The following CC2D2A variants were observed in gnomAD, a reference collection of about 807,000 sequenced individuals.
The protein encoded by CC2D2A is coiled-coil and C2 domain containing 2A.
A neutral mutation model predicts 212.9 loss-of-function variants in CC2D2A; 155 were observed. The ratio of observed to expected loss-of-function variants is 0.73; its 90% confidence interval spans 0.64 to 0.83. CC2D2A has a LOEUF of 0.83. Among genes scored for constraint, CC2D2A ranks in the 40% least tolerant of loss-of-function variants. The pLI is 0.00. For missense variants in CC2D2A, 1,856 were observed against 1,956.2 expected (o/e 0.95, Z 0.97); for synonymous variants, 667 against 686.5 (o/e 0.97, Z 0.44).
Position 15,516,313 on chromosome 4 carries a change from C to T in CC2D2A, c.1017+309C>T, listed in dbSNP as rs16892092. ...ATTATCCATAGGTAGAATAGTTTCACTTTTGAGTTTTTATTCTGTGTTTTT... is the reference window on the plus strand; with the variant it reads ...ATTATCCATAGGTAGAATAGTTTCATTTTTGAGTTTTTATTCTGTGTTTTT... On this transcript the variant is annotated intron_variant, in intron 10 of 36. Transcript: ENST00000424120. 0.16 allele frequency among the ~76,000 whole-genome samples: 24,409 copies of T among 151,954 alleles called. 2,225 individuals carry two copies. The highest frequency in any genetic ancestry group is 0.34 in the East Asian group (1,738 of 5,166).
chr4:15,490,735 A>C (rs1715252821), intron 4 of CC2D2A, among the ~76,000 whole-genome samples: 2 of 152,126 alleles, frequency 1.3e-5, no homozygotes, highest in African/African-American at 4.8e-5. Context: ...GGAAAGAAAA[A>C]GTAAAAACTA....
intron 28 of CC2D2A, among the ~76,000 whole-genome samples, chr4:15,573,489 C>A (rs1477493274): frequency 6.6e-6 from 1 of 152,210 alleles, no homozygotes; most frequent in Admixed American, 6.5e-5. Context: ...TGGAGTTTCA[C>A]CTTGTTGGCC....
chr4:15,549,233 A>C (rs928209639), intron 17 of CC2D2A, among the ~76,000 whole-genome samples: 16 of 152,156 alleles, frequency 1.1e-4, no homozygotes, highest in African/African-American at 3.9e-4. Context: ...ATTTTCCATA[A>C]AAGACTTTTT....
chr4:15,598,042 G>T (rs1303742643), intron 35 of CC2D2A, among the ~76,000 whole-genome samples: 2 of 152,126 alleles, frequency 1.3e-5, no homozygotes, highest in African/African-American at 4.8e-5. Flanking sequence ...GACCCCTCTT[G>T]AGGCATTATT....
At chr4:15,558,393 A>AAGGTGTCTGTCCAAGGT in intron 21 of CC2D2A, among the ~76,000 whole-genome samples, 2 of 152,162 alleles carry the variant, frequency 1.3e-5, no homozygotes, top group Non-Finnish European at 2.9e-5. Context: ...GGATGATGAA[A>AAGGTGTCTGTCCAAGGT]TCTCAAAATA....
chr4:15,563,267 G>A, intron 23 of CC2D2A, 88 bp from the exon 24 acceptor site: 1 of 1,326,220 alleles, frequency 7.5e-7, no homozygotes, highest in Non-Finnish European at 1.0e-6. Context: ...GCGTGTGCAG[G>A]ACCATGGGGC....
Position 15,538,064 on chromosome 4 carries a change from A to C in CC2D2A, c.1930A>C (p.Arg644=), listed in dbSNP as rs1174529044. 1.9e-6 allele frequency: 3 copies of C among 1,607,636 alleles called. No homozygotes were observed. The highest frequency in any genetic ancestry group is 2.5e-6 in the Non-Finnish European group (3 of 1,177,212). Residue 644 remains arginine, a synonymous_variant, in exon 16 of 37, where the codon AGG becomes CGG. Transcript: ENST00000424120. ...VRERAAQSRR[R]PWEPTLVPEL... ...GGAGAGAGCAGCCCAGAGCAGGAGGAGGCCTTGGGAGCCCACGCTGGTCCC... is the reference window on the plus strand; with the variant it reads ...GGAGAGAGCAGCCCAGAGCAGGAGGCGGCCTTGGGAGCCCACGCTGGTCCC...
chr4:15,505,655 A>G (rs1716215883), intron 6 of CC2D2A, among the ~76,000 whole-genome samples: 1 of 152,246 alleles, frequency 6.6e-6, no homozygotes, highest in South Asian at 2.1e-4. Flanking sequence ...ATCAGGTTAT[A>G]TAAAAATTAG....
chr4:15,547,976 T>C (rs1718796744), intron 17 of CC2D2A, among the ~76,000 whole-genome samples: 1 of 151,994 alleles, frequency 6.6e-6, no homozygotes, highest in South Asian at 2.1e-4. Flanking sequence ...GAGGTGGAAG[T>C]TGCTGTGAGC....
At chr4:15,584,968 G>T (rs1188742159) in intron 30 of CC2D2A, among the ~76,000 whole-genome samples, 3 of 152,092 alleles carry the variant, frequency 2.0e-5, no homozygotes, top group African/African-American at 7.2e-5. Flanking sequence ...AGTTAAAATG[G>T]CTCTTTTCAG....
chr4:15,503,048 A>G, intron 6 of CC2D2A, 125 bp downstream of exon 6: 1 of 635,872 alleles, frequency 1.6e-6, no homozygotes, highest in Non-Finnish European at 2.5e-6. Context: ...TAATTATAAT[A>G]CACTTTGGGA....
intron 17 of CC2D2A, 175 bp from the exon 18 acceptor site, chr4:15,550,649 G>C: frequency 2.4e-6 from 1 of 423,730 alleles, no homozygotes; most frequent in South Asian, 1.1e-4. Context: ...ACAAACAGTT[G>C]TAAGCTCATC....
chr4:15,573,810 G>C (rs1720276232), intron 28 of CC2D2A, among the ~76,000 whole-genome samples: 1 of 152,154 alleles, frequency 6.6e-6, no homozygotes, highest in South Asian at 2.1e-4. Flanking sequence ...ACCCCACAAA[G>C]TAGATACTAT....
At position 15,502,485 on chromosome 4, in the gene CC2D2A, G is replaced by C. The variant is rs1278804341; in HGVS notation, c.304G>C (p.Gly102Arg). Residue 102 changes from glycine to arginine, a missense_variant, in exon 5 of 37, where the codon GGA (glycine) becomes CGA (arginine). Physicochemically the swap from Gly to Arg is moderately radical, Grantham distance 125. Coordinates refer to ENST00000424120, the MANE Select transcript of CC2D2A (RefSeq NM_001378615.1). ...RTGFAEFSMR[G>R]RMREKLQAAR... ...AGGCTTTGCAGAATTTTCCATGAGGGGACGCATGAGGGAGAAATTGCAAGC... is the reference window on the plus strand; with the variant it reads ...AGGCTTTGCAGAATTTTCCATGAGGCGACGCATGAGGGAGAAATTGCAAGC... The C allele has an allele frequency of 1.2e-6, 2 of 1,608,546 alleles. No individual in the cohort carries two copies. The highest frequency in any genetic ancestry group is 2.3e-5 in the South Asian group (2 of 88,790).
At chr4:15,487,142 T>C (rs1715044554) in intron 4 of CC2D2A, among the ~76,000 whole-genome samples, 1 of 152,142 alleles carries the variant, frequency 6.6e-6, no homozygotes. Context: ...AAATGTTCTT[T>C]AAATCTGTTA....
chr4:15,539,182 G>A (rs904434589), intron 16 of CC2D2A, among the ~76,000 whole-genome samples: 3 of 152,130 alleles, frequency 2.0e-5, no homozygotes, highest in African/African-American at 7.2e-5. Flanking sequence ...AGAAAGAAAT[G>A]CAAGCTCACA....
chr4:15,548,900 A>G (rs1262940347), intron 17 of CC2D2A, among the ~76,000 whole-genome samples: 1 of 152,200 alleles, frequency 6.6e-6, no homozygotes. Context: ...CAATTACAAC[A>G]TATGGAATAT....
At chr4:15,495,744 T>C (rs1218730195) in intron 4 of CC2D2A, among the ~76,000 whole-genome samples, 1 of 152,198 alleles carries the variant, frequency 6.6e-6, no homozygotes, top group Non-Finnish European at 1.5e-5. Flanking sequence ...TTTGTGTGTA[T>C]ACCCAGTAAT....
chr4:15,482,826 C>T (rs980382340), intron 4 of CC2D2A, among the ~76,000 whole-genome samples: 2 of 152,140 alleles, frequency 1.3e-5, no homozygotes, highest in African/African-American at 4.8e-5. Flanking sequence ...TTTTCTAACT[C>T]GAAAATGAAG....
Sources: gnomAD v4.1 joint callset for allele counts (sites outside exome capture counted in the v4.1 genomes callset) on GRCh38, gnomAD v4.1.1 for gene constraint, MANE v1.5 for transcripts, NCBI Gene and HGNC (gene_info 2026-07-23, HGNC 2026-07-21) for gene names.